Variants in PKHD1L1 observed in about 807,000 individuals in gnomAD.
PKHD1L1 encodes fibrocystin-L.
PKHD1L1 carries 434 observed loss-of-function variants against 462.9 expected under a neutral mutation model. That is an observed-to-expected ratio of 0.94 (90% CI 0.87 to 1.02). The LOEUF (loss-of-function observed/expected upper bound fraction) is 1.02. PKHD1L1 is among the 50% of genes least tolerant of loss of function. The pLI is 0.00. For synonymous variants in PKHD1L1, 1,781 were observed against 1,750.0 expected, an observed-to-expected ratio of 1.02 and a Z score of -0.44; for missense variants, 5,202 against 5,096.1, an observed-to-expected ratio of 1.02 and a Z score of -0.63.
intron 51 of PKHD1L1, among the ~76,000 whole-genome samples, chr8:109,475,791 T>C (rs1327145929): frequency 1.4e-5 from 2 of 137,942 alleles, no homozygotes; most frequent in African/African-American, 5.5e-5. Flanking sequence ...GAGGTTGCAG[T>C]GAACCAAGAT....
rs377699317 is a variant in PKHD1L1, at chr8:109,465,197, C to T, written c.8365C>T (p.Arg2789Cys). 7.4e-6 allele frequency: 12 copies of T among 1,613,490 alleles called. No individual in the cohort carries two copies. In the African/African-American group the frequency reaches 9.3e-5, roughly 13 times the overall value. ...YSHTPNKAGF[R>C]WEHEMVMIDV... Reference sequence around the variant, plus strand: ...TCACACACCGAACAAGGCTGGCTTTCGCTGGGAACATGAAATGGTAATGAT... The same window carrying T: ...TCACACACCGAACAAGGCTGGCTTTTGCTGGGAACATGAAATGGTAATGAT... Residue 2789 changes from arginine to cysteine, a missense_variant, in exon 49 of 78, where the codon CGC (arginine) becomes TGC (cysteine). Physicochemically the swap from Arg to Cys is radical, Grantham distance 180 (BLOSUM62 -3). Transcript: ENST00000378402.
In PKHD1L1 at chr8:109,451,153, C is replaced by G. The variant is rs778044895; in HGVS notation, c.6350+4C>G. On this transcript the variant is annotated splice_donor_region_variant and intron_variant, in intron 41 of 77. Coordinates refer to ENST00000378402, the MANE Select transcript of PKHD1L1 (RefSeq NM_177531.6). ...CAGTCGTGGGATCAGGATTCAGGTA[C>G]TGTCTCCACACAAACACGCATCATT... is the stretch of plus-strand genomic sequence containing the variant. 1.3e-6 allele frequency: 2 copies of G among 1,598,042 alleles called. No individual in the cohort carries two copies. Among genetic ancestry groups the G allele is most frequent in the East Asian group, 2.2e-5 (1 of 44,498 alleles).
At position 109,486,821 on chromosome 8, in the gene PKHD1L1, G is replaced by A. The variant is rs372993231; in HGVS notation, c.9880G>A (p.Gly3294Arg). 1.2e-6 allele frequency: 2 copies of A among 1,610,552 alleles called. No individual in the cohort carries two copies. The highest frequency in any genetic ancestry group is 1.3e-5 in the African/African-American group (1 of 74,646). The change falls in exon 59 of 78, where the codon GGA becomes AGA. Residue 3294 changes from glycine to arginine, a missense_variant and splice_region_variant. Gly to Arg is a moderately radical substitution (Grantham distance 125, BLOSUM62 -2). Coordinates refer to ENST00000378402, the MANE Select transcript of PKHD1L1 (RefSeq NM_177531.6). The part of the protein sequence containing the change: ...SFTENMMTFK[G>R]NARISNVEFY... ...CACTGAAAATATGATGACATTTAAA[G>A]GTTGGTATCAATTCAGTTTATTTTT...
Position 109,518,463 on chromosome 8 carries a change from G to A in PKHD1L1, c.11986G>A (p.Glu3996Lys), listed in dbSNP as rs1239898269. Residue 3996 changes from glutamate to lysine, a missense_variant, in exon 73 of 78, where the codon GAG (glutamate) becomes AAG (lysine). Coordinates refer to ENST00000378402, the MANE Select transcript of PKHD1L1 (RefSeq NM_177531.6). ...ATCCATGGGATTCATAATTGAAATA[G>A]AGATTGGAGACCCTCCTATTCAGTT... ...KRSMGFIIEI[E>K]IGDPPIQFIS... is the part of the protein sequence containing the mutation. 2 of 1,607,612 alleles carry A rather than the reference G, an allele frequency of 1.2e-6. No homozygotes were observed. The highest frequency in any genetic ancestry group is 1.1e-5 in the South Asian group (1 of 91,026).
At chr8:109,394,875 C>A (rs1046507462) in intron 10 of PKHD1L1, among the ~76,000 whole-genome samples, 1 of 152,162 alleles carries the variant, frequency 6.6e-6, no homozygotes, top group South Asian at 2.1e-4. Flanking sequence ...ATTATTACAT[C>A]GAAAATGCAT....
chr8:109,479,288 C>T (rs1022585613), intron 53 of PKHD1L1, among the ~76,000 whole-genome samples: 38 of 152,262 alleles, frequency 2.5e-4, no homozygotes, highest in African/African-American at 8.4e-4. Context: ...AGCCCAGGGG[C>T]TTAATGGCAT....
intron 47 of PKHD1L1, among the ~76,000 whole-genome samples, chr8:109,460,966 T>A (rs1366901889): frequency 6.6e-6 from 1 of 152,076 alleles, no homozygotes; most frequent in Non-Finnish European, 1.5e-5. Flanking sequence ...TACTCAAGGG[T>A]CATTGGTCAG....
intron 67 of PKHD1L1, among the ~76,000 whole-genome samples, chr8:109,500,600 G>A (rs1314184294): frequency 7.0e-6 from 1 of 143,714 alleles, no homozygotes; most frequent in African/African-American, 2.6e-5. Context: ...CTTGAAACTG[G>A]GAGGCGGAGG....
rs545342110 is a variant in PKHD1L1 at position 109,507,471 on chromosome 8, C to A, written c.10995-192C>A. Among the ~76,000 whole-genome samples the A allele has an allele frequency of 2.6e-5, 4 of 152,156 alleles. 1 individual carries two copies. In the South Asian group the frequency reaches 8.3e-4, roughly 31 times the overall value. On this transcript the variant is annotated intron_variant, in intron 68 of 77. Transcript: ENST00000378402. ...ATGTTAATGAATTCATAATCATAGACCAAATCAACACAATGGAAAAGCAGA... is the reference window on the plus strand; with the variant it reads ...ATGTTAATGAATTCATAATCATAGAACAAATCAACACAATGGAAAAGCAGA...
intron 2 of PKHD1L1, among the ~76,000 whole-genome samples, chr8:109,366,496 T>C (rs1486523208): frequency 6.6e-6 from 1 of 152,208 alleles, no homozygotes; most frequent in East Asian, 1.9e-4. Flanking sequence ...ATTTCAGTTA[T>C]GCAAAATGAA....
chr8:109,445,574 C>T lies in PKHD1L1; in HGVS notation c.5705C>T (p.Ala1902Val), dbSNP rs1816089696. 1.9e-6 allele frequency: 3 copies of T among 1,611,338 alleles called. No individual in the cohort carries two copies. The highest frequency in any genetic ancestry group is 2.5e-6 in the Non-Finnish European group (3 of 1,178,456). The part of the protein sequence containing the change: ...VDVKIFVNTI[A>V]YPPLLFTYAL... The stretch of plus-strand genomic sequence containing the variant: ...GTTAAAATCTTTGTTAATACAATTG[C>T]TTATCCACCTTTGCTTTTTACATAT... Residue 1902 changes from alanine (A) to valine (V), a missense_variant, in exon 38 of 78, where the codon GCT (alanine) becomes GTT (valine). This residue lies in a region of PKHD1L1 where 4,497 missense variants were observed against 4,336.8 expected (regional missense o/e 1.04). Coordinates refer to ENST00000378402, the MANE Select transcript of PKHD1L1 (RefSeq NM_177531.6).
At chr8:109,399,288 A>G (rs1813131572) in intron 12 of PKHD1L1, among the ~76,000 whole-genome samples, 1 of 152,196 alleles carries the variant, frequency 6.6e-6, no homozygotes, top group Admixed American at 6.6e-5. Flanking sequence ...TGCTTCTGTG[A>G]AAGTTTGAAG....
intron 67 of PKHD1L1, among the ~76,000 whole-genome samples, chr8:109,500,284 C>G (rs1819334854): frequency 1.3e-5 from 2 of 151,992 alleles, no homozygotes; most frequent in Non-Finnish European, 2.9e-5. Flanking sequence ...CATCATCTCT[C>G]TCATCCATCA....
At chr8:109,515,076 T>C in intron 71 of PKHD1L1, 94 bp from the exon 72 acceptor site, 1 of 1,013,864 alleles carries the variant, frequency 9.9e-7, no homozygotes, top group Non-Finnish European at 1.4e-6. Context: ...TTTTAATAGT[T>C]TGCAGAAAGT....
chr8:109,430,330 A>G (rs966896881), intron 27 of PKHD1L1, among the ~76,000 whole-genome samples: 6 of 152,180 alleles, frequency 3.9e-5, no homozygotes, highest in African/African-American at 1.4e-4. Context: ...AGTCTCTAAA[A>G]TTTCACTTGG....
At chr8:109,458,381 C>A (rs533158563) in intron 46 of PKHD1L1, among the ~76,000 whole-genome samples, 3 of 149,896 alleles carry the variant, frequency 2.0e-5, no homozygotes, top group Admixed American at 6.8e-5. Context: ...CTTCCCCCCA[C>A]GAATTCATTC....
chr8:109,364,362 A>C (rs1349964552), intron 1 of PKHD1L1, among the ~76,000 whole-genome samples, 185 bp from the exon 2 acceptor site: 1 of 152,236 alleles, frequency 6.6e-6, no homozygotes, highest in Non-Finnish European at 1.5e-5. Flanking sequence ...AGTGGGTATT[A>C]ACTAAGTTAA....
intron 13 of PKHD1L1, 126 bp from the exon 14 acceptor site, chr8:109,401,371 A>T (rs1181810863): frequency 1.6e-6 from 1 of 616,802 alleles, no homozygotes. Flanking sequence ...AAAAATATAA[A>T]GTAGTTTTAC....
intron 42 of PKHD1L1, 31 bp downstream of exon 42, chr8:109,452,311 G>A (rs199574123): frequency 8.8e-6 from 13 of 1,478,836 alleles, no homozygotes; most frequent in African/African-American, 5.7e-5. Context: ...AGTAATCACA[G>A]CAATAGAAAA....
Sources: gnomAD v4.1 joint callset for allele counts (sites outside exome capture counted in the v4.1 genomes callset) on GRCh38, gnomAD v4.1.1 for gene constraint, gnomAD v4.1.1 regional missense constraint, MANE v1.5 for transcripts, NCBI Gene and HGNC (gene_info 2026-07-23, HGNC 2026-07-21) for gene names.